CAST: variants seen among roughly 807,000 people sequenced by gnomAD.
CAST encodes calpastatin, also known as MIR583 host.
CAST carries 76 observed loss-of-function variants against 119.6 expected under a neutral mutation model. The ratio of observed to expected loss-of-function variants is 0.64; its 90% CI spans 0.53 to 0.77. The LOEUF is 0.77. Ranked by LOEUF, CAST falls within the 30% of genes least tolerant of loss-of-function variation. The pLI is 0.00. For missense variants in CAST, 953 were observed against 946.5 expected (o/e 1.01, Z -0.09); for synonymous variants, 319 against 331.6 (o/e 0.96, Z 0.41).
chr5:96,387,234 T>G, the CAST span, among the ~76,000 whole-genome samples: 1 of 152,226 alleles, frequency 6.6e-6, no homozygotes, highest in African/African-American at 2.4e-5. Flanking sequence ...TTTTGGCCCT[T>G]TAATGATTAG....
chr5:96,336,758 G>A, the CAST span, among the ~76,000 whole-genome samples: 1 of 152,080 alleles, frequency 6.6e-6, no homozygotes, highest in African/African-American at 2.4e-5. Context: ...AGAGATTTGG[G>A]GTAAAGCATG....
the CAST span, among the ~76,000 whole-genome samples, chr5:96,267,860 A>G: frequency 5.9e-5 from 9 of 152,232 alleles, no homozygotes; most frequent in Non-Finnish European, 1.2e-4. Context: ...TAATGGCTAT[A>G]GAAATCTCAA....
the CAST span, among the ~76,000 whole-genome samples, chr5:96,322,111 A>G: frequency 6.6e-6 from 1 of 152,190 alleles, no homozygotes; most frequent in African/African-American, 2.4e-5. Context: ...TGCAGTATCC[A>G]TAGAAGGGAG....
At chr5:96,412,149 C>G in the CAST span, among the ~76,000 whole-genome samples, 2 of 152,210 alleles carry the variant, frequency 1.3e-5, no homozygotes, top group African/African-American at 4.8e-5. Flanking sequence ...AGCCTTAACT[C>G]CCATCCCTCT....
At chr5:96,231,622 CACTT>C in the CAST span, among the ~76,000 whole-genome samples, 1 of 152,042 alleles carries the variant, frequency 6.6e-6, no homozygotes, top group Non-Finnish European at 1.5e-5. Context: ...CACTTAAACA[CACTT>C]AAACAGGTGA....
the CAST span, among the ~76,000 whole-genome samples, chr5:96,398,158 T>C: frequency 6.6e-6 from 1 of 152,184 alleles, no homozygotes; most frequent in Non-Finnish European, 1.5e-5. Flanking sequence ...CTAGAAAGCA[T>C]AACTTCAAAA....
chr5:96,597,845 G>A (rs541648902), intron 1 of CAST, among the ~76,000 whole-genome samples: 1 of 152,008 alleles, frequency 6.6e-6, no homozygotes, highest in Admixed American at 6.6e-5. Flanking sequence ...GGTCAGGGTG[G>A]TTTTGTGGCT....
At chr5:96,033,910 G>C in the CAST span, among the ~76,000 whole-genome samples, 1 of 152,110 alleles carries the variant, frequency 6.6e-6, no homozygotes, top group African/African-American at 2.4e-5. Context: ...TATCTGATAA[G>C]GGGTTACTAT....
chr5:96,130,051 T>A, the CAST span, among the ~76,000 whole-genome samples: 1 of 147,990 alleles, frequency 6.8e-6, no homozygotes, highest in Non-Finnish European at 1.5e-5. Context: ...AGACGGAGTC[T>A]TGCTGTCCCC....
the CAST span, among the ~76,000 whole-genome samples, chr5:96,228,641 G>A: frequency 6.6e-6 from 1 of 152,110 alleles, no homozygotes; most frequent in Admixed American, 6.5e-5. Context: ...CACAAGTTAA[G>A]GATTATTAGA....
chr5:96,006,844 A>G, the CAST span, among the ~76,000 whole-genome samples: 1 of 152,196 alleles, frequency 6.6e-6, no homozygotes, highest in Admixed American at 6.5e-5. Flanking sequence ...TTTATATTTT[A>G]TATTTTAAGA....
chr5:96,597,718 T>A (rs1747076913), intron 1 of CAST, among the ~76,000 whole-genome samples: 1 of 152,198 alleles, frequency 6.6e-6, no homozygotes, highest in Non-Finnish European at 1.5e-5. Flanking sequence ...CCTTCTTTCT[T>A]TCCTACCAAA....
the CAST span, among the ~76,000 whole-genome samples, chr5:96,462,409 T>C: frequency 3.0e-4 from 45 of 152,286 alleles, no homozygotes; most frequent in African/African-American, 9.6e-4. Flanking sequence ...ACTTAAATAG[T>C]ACCTCTCCTC....
chr5:96,570,299 G>A (rs988629475), intron 1 of CAST, among the ~76,000 whole-genome samples: 4 of 152,152 alleles, frequency 2.6e-5, no homozygotes, highest in African/African-American at 9.7e-5. Flanking sequence ...GGTATTCACA[G>A]CTTCCCCCAA....
the CAST span, among the ~76,000 whole-genome samples, chr5:96,134,871 TAAAG>T: frequency 6.6e-6 from 1 of 152,090 alleles, no homozygotes; most frequent in South Asian, 2.1e-4. Context: ...ATGAAGGAAA[TAAAG>T]AAAGCCTGTG....
intron 1 of CAST, among the ~76,000 whole-genome samples, chr5:96,615,360 C>T (rs1182935676): frequency 1.3e-5 from 2 of 152,228 alleles, no homozygotes; most frequent in Non-Finnish European, 2.9e-5. Context: ...AGGCAGGTCT[C>T]ACTTCCTCCT....
At chr5:96,705,336 G>GA (rs751814932) in intron 3 of CAST, among the ~76,000 whole-genome samples, 64 of 147,606 alleles carry the variant, frequency 4.3e-4, no homozygotes, top group Non-Finnish European at 6.9e-4. Context: ...TATATATAAA[G>GA]AAAAAAAAGA....
chr5:96,592,250 G>T (rs1017385634), intron 1 of CAST, among the ~76,000 whole-genome samples: 5 of 151,920 alleles, frequency 3.3e-5, no homozygotes, highest in African/African-American at 4.8e-5. Flanking sequence ...AATACAGGGG[G>T]ATTGGCCAGG....
At chr5:96,276,009 AGCATATATTGT>A in the CAST span, among the ~76,000 whole-genome samples, 2 of 152,222 alleles carry the variant, frequency 1.3e-5, no homozygotes, top group South Asian at 4.1e-4. Context: ...TCTAAGTAGA[AGCATATATTGT>A]GATTCTTAGC....
Sources: allele counts gnomAD v4.1 joint callset (sites outside exome capture counted in the v4.1 genomes callset), GRCh38; gene constraint gnomAD v4.1.1; transcripts MANE v1.5; gene names NCBI Gene and HGNC (gene_info 2026-07-23, HGNC 2026-07-21).